Variants in AGAP3 observed in about 807,000 individuals in gnomAD.
AGAP3 encodes the protein arf-GAP with GTPase, ANK repeat and PH domain-containing protein 3.
In AGAP3, 24 loss-of-function variants were observed where a neutral mutation model predicts 96.9. The observed-to-expected ratio is 0.25, with a 90% CI of 0.18 to 0.35. The LOEUF (loss-of-function observed/expected upper bound fraction) is 0.35, where lower values mean the gene tolerates loss of function less well. Ranked by LOEUF, AGAP3 falls within the 10% of genes least tolerant of loss-of-function variation. AGAP3 has a pLI of 1.00. For missense variants in AGAP3, 876 were observed against 1,254.2 expected, an observed-to-expected ratio of 0.70 and a Z score of 4.55; for synonymous variants, 563 against 536.1, an observed-to-expected ratio of 1.05 and a Z score of -0.69.
chr7:151,091,801 T>C (rs1798409791), intron 1 of AGAP3, among the ~76,000 whole-genome samples: 3 of 152,198 alleles, frequency 2.0e-5, no homozygotes. Flanking sequence ...ACCCCACAGA[T>C]GAAGCAGTCC....
chr7:151,130,031 G>A (rs1457894043), intron 10 of AGAP3, among the ~76,000 whole-genome samples: 1 of 152,186 alleles, frequency 6.6e-6, no homozygotes, highest in African/African-American at 2.4e-5. Flanking sequence ...TTTCACGGCC[G>A]ACACCAGGCA....
Position 151,144,017 on chromosome 7 carries a change from AACAG to A in AGAP3, c.*78_*81del. On this transcript the variant is annotated 3_prime_UTR_variant, in exon 18 of 18. Coordinates refer to ENST00000397238, the MANE Select transcript of AGAP3 (RefSeq NM_031946.7). ...CCCTCCTCCCTGCAGGCACTGTGGGAACAGACACAGAGATGGAGAAGCAGGGACA... is the reference window on the plus strand; with the variant it reads ...CCCTCCTCCCTGCAGGCACTGTGGGAACACAGAGATGGAGAAGCAGGGACA... 6.9e-7 allele frequency: 1 copy of A among 1,457,244 alleles called. No individual in the cohort carries two copies. The highest frequency in any genetic ancestry group is 9.4e-7 in the Non-Finnish European group (1 of 1,058,694). 90.3% of individuals were successfully genotyped at this position (1,457,244 alleles called of 1,614,324 possible).
intron 7 of AGAP3, 72 bp from the exon 8 acceptor site, chr7:151,119,915 T>C (rs1799788947): frequency 2.6e-6 from 4 of 1,519,404 alleles, no homozygotes; most frequent in African/African-American, 1.4e-5. Flanking sequence ...AGCACAGGGA[T>C]TCCCGGCACC....
rs1052700984 is a variant in AGAP3 at position 151,096,079 on chromosome 7, C to T, written c.331+9007C>T. ...ATGGGCATCCGTTTCATGGTGTGGG[C>T]GTGAGAAGCAAATCAGTTAACGTCT... On this transcript the variant is annotated intron_variant, in intron 1 of 17. Transcript: ENST00000397238. The surrounding 1 kb of genome is among the most constrained non-coding windows in gnomAD (Gnocchi z 4.4). Among the ~76,000 whole-genome samples the T allele has an allele frequency of 7.9e-5, 12 of 152,190 alleles. No individual in the cohort carries two copies. The highest frequency in any genetic ancestry group is 1.2e-4 in the Non-Finnish European group (8 of 68,044).
chr7:151,093,903 C>G (rs939685839), intron 1 of AGAP3, among the ~76,000 whole-genome samples: 3 of 152,182 alleles, frequency 2.0e-5, no homozygotes, highest in Non-Finnish European at 4.4e-5. Context: ...GCGTGAGTAT[C>G]TGGAACAGGC....
intron 1 of AGAP3, among the ~76,000 whole-genome samples, chr7:151,109,841 C>T (rs978633337): frequency 6.6e-6 from 1 of 152,216 alleles, no homozygotes; most frequent in Non-Finnish European, 1.5e-5. Flanking sequence ...GTGATCCCAG[C>T]GTCCACTCTG....
At chr7:151,129,691 A>AC (rs1253628126) in intron 10 of AGAP3, among the ~76,000 whole-genome samples, 16 of 131,256 alleles carry the variant, frequency 1.2e-4, no homozygotes, top group Non-Finnish European at 1.9e-4. Flanking sequence ...CTCCCGCCCG[A>AC]CCCCCCCACC....
Position 151,143,724 on chromosome 7 carries a change from T to C in AGAP3, c.2530-13T>C. The C allele has an allele frequency of 6.2e-7, 1 of 1,614,080 alleles. No homozygotes were observed. Among genetic ancestry groups the C allele is most frequent in the South Asian group, 1.1e-5 (1 of 91,072 alleles). Reference sequence around the variant, plus strand: ...ATGTCTTGCCAACTGTCAACATGTGTTTTCTCCTACAGTACGGGGTGGACG... The same window carrying C: ...ATGTCTTGCCAACTGTCAACATGTGCTTTCTCCTACAGTACGGGGTGGACG... On this transcript the variant is annotated splice_polypyrimidine_tract_variant and intron_variant, in intron 17 of 17. Coordinates refer to ENST00000397238, the MANE Select transcript of AGAP3 (RefSeq NM_031946.7). The surrounding 1 kb of genome is among the most constrained non-coding windows in gnomAD (Gnocchi z 5.9).
Position 151,123,539 on chromosome 7 carries a change from G to A in AGAP3, c.1129-255G>A, listed in dbSNP as rs1254790389. On this transcript the variant is annotated intron_variant, in intron 8 of 17. Transcript: ENST00000397238. ...CCCCGGGCGTGCTCCTCGCGCCCTC[G>A]GCCTCTCTGTCCTTGCTCTTTTGTA... 3.8e-6 allele frequency: 5 copies of A among 1,300,172 alleles called. No homozygotes were observed. In the Admixed American group the frequency reaches 1.4e-4, roughly 36 times the overall value. 80.5% of individuals were successfully genotyped at this position (1,300,172 alleles called of 1,614,324 possible).
intron 1 of AGAP3, among the ~76,000 whole-genome samples, chr7:151,091,270 C>T (rs987874903): frequency 1.3e-5 from 2 of 152,188 alleles, no homozygotes; most frequent in African/African-American, 4.8e-5. Flanking sequence ...TGGAGCCAGC[C>T]CAGGCCCCTC....
rs897418708 is a variant in AGAP3, at chr7:151,100,572, C to A, written c.331+13500C>A. ...CCGGGCCGGGCACAGTGGTTCACAC[C>A]TGTAGTCCCAGCACTTTGGGAGGCC... On this transcript the variant is annotated intron_variant, in intron 1 of 17. Coordinates refer to ENST00000397238, the MANE Select transcript of AGAP3 (RefSeq NM_031946.7). Among the ~76,000 whole-genome samples the A allele has an allele frequency of 2.0e-5, 3 of 152,334 alleles. No individual in the cohort carries two copies. The East Asian group carries it at 5.8e-4, about 29-fold the overall frequency.
rs559870005 is a variant in AGAP3 at position 151,102,233 on chromosome 7, C to T, written c.332-14560C>T. On this transcript the variant is annotated intron_variant, in intron 1 of 17. Transcript: ENST00000397238. ...GTGGCCTGGGGCACGAGGACAGCGG[C>T]CCAGAGCTCCGGTGAGCCTGCAGCC... 3.7e-4 allele frequency among the ~76,000 whole-genome samples: 57 copies of T among 152,356 alleles called. 1 individual carries two copies. In the East Asian group the frequency reaches 0.011, roughly 29 times the overall value.
In AGAP3 at chr7:151,118,545, G is replaced by A. The variant is rs765507429; in HGVS notation, c.882G>A (p.Leu294=). ...KVVALRKKQQ[L]AIGPCKSLPN... ...TGGCCTTGCGAAAGAAGCAGCAACT[G>A]GCCATCGGGCCCTGCAAGTCACTGC... Residue 294 remains leucine (L), a synonymous_variant, in exon 7 of 18, where the codon CTG becomes CTA. Coordinates refer to ENST00000397238, the MANE Select transcript of AGAP3 (RefSeq NM_031946.7). This position sits in a 1 kb window ranked among gnomAD's most constrained non-coding sequence, Gnocchi z 6.1. The A allele has an allele frequency of 6.2e-7, 1 of 1,614,140 alleles. No individual in the cohort carries two copies. Among genetic ancestry groups the A allele is most frequent in the Admixed American group, 1.7e-5 (1 of 60,028 alleles).
chr7:151,115,015 C>T (rs1799482765), intron 1 of AGAP3: 2 of 989,728 alleles, frequency 2.0e-6, no homozygotes, highest in African/African-American at 3.5e-5. Context: ...CTCCTGCGCC[C>T]GCGCCTCGGC....
Position 151,096,213 on chromosome 7 carries a change from G to A in AGAP3, c.331+9141G>A, listed in dbSNP as rs531626662. On this transcript the variant is annotated intron_variant, in intron 1 of 17. Transcript: ENST00000397238. This position sits in a 1 kb window ranked among gnomAD's most constrained non-coding sequence, Gnocchi z 4.4. The stretch of plus-strand genomic sequence containing the variant: ...GTCATCACCGCCTGCGTGGGGATGC[G>A]TGAGGTGAGGGCTGCATGAGATCAC... 6.6e-6 allele frequency among the ~76,000 whole-genome samples: 1 copy of A among 152,332 alleles called. No individual in the cohort carries two copies. The highest frequency in any genetic ancestry group is 1.5e-5 in the Non-Finnish European group (1 of 68,034).
intron 1 of AGAP3, chr7:151,115,509 G>C (rs1183823274): frequency 9.7e-7 from 1 of 1,027,960 alleles, no homozygotes; most frequent in East Asian, 9.0e-5. Context: ...GCCGGAGCCC[G>C]GCCGCCCCCG....
At chr7:151,134,289 G>A in intron 10 of AGAP3, 111 bp from the exon 11 acceptor site, 1 of 1,235,566 alleles carries the variant, frequency 8.1e-7, no homozygotes, top group South Asian at 1.4e-5. Context: ...TTTCAAGATT[G>A]GAGCCTTCCC....
In AGAP3 at chr7:151,086,489, A is replaced by T. The variant is rs1478165795; in HGVS notation, c.-253A>T. Reference sequence around the variant, plus strand: ...CCGGTCCCGTTGTTGTTGCCGCTGGAGGCTGCTCCGAGGCAGCGGGATCAC... The same window carrying T: ...CCGGTCCCGTTGTTGTTGCCGCTGGTGGCTGCTCCGAGGCAGCGGGATCAC... On this transcript the variant is annotated 5_prime_UTR_variant, in exon 1 of 18. Coordinates refer to ENST00000397238, the MANE Select transcript of AGAP3 (RefSeq NM_031946.7). Among the ~76,000 whole-genome samples the T allele has an allele frequency of 1.4e-5, 2 of 147,494 alleles. No homozygotes were observed. Among genetic ancestry groups the T allele is most frequent in the Admixed American group, 6.7e-5 (1 of 14,884 alleles).
chr7:151,110,658 G>T (rs1267696648), intron 1 of AGAP3, among the ~76,000 whole-genome samples: 1 of 152,000 alleles, frequency 6.6e-6, no homozygotes, highest in Non-Finnish European at 1.5e-5. Context: ...ATGGAGGCTG[G>T]AGATGGGAGA....
Sources: gnomAD v4.1 joint callset for allele counts (sites outside exome capture counted in the v4.1 genomes callset) on GRCh38, gnomAD v4.1.1 for gene constraint, Gnocchi (gnomAD v3.1) non-coding constraint, MANE v1.5 for transcripts, NCBI Gene and HGNC (gene_info 2026-07-23, HGNC 2026-07-21) for gene names.